HIVEP3: variants seen among roughly 807,000 people sequenced by gnomAD.
HIVEP3 encodes the protein HIVEP zinc finger 3.
A neutral mutation model predicts 152.8 loss-of-function variants in HIVEP3; 49 were observed. The observed-to-expected ratio is 0.32, with a 90% CI of 0.26 to 0.41. The LOEUF is 0.41. Ranked by LOEUF, HIVEP3 falls within the 10% of genes least tolerant of loss-of-function variation. HIVEP3 has a pLI of 1.00. For synonymous variants in HIVEP3, 1,269 were observed against 1,289.0 expected, an observed-to-expected ratio of 0.98 and a Z score of 0.33; for missense variants, 2,790 against 3,103.3, an observed-to-expected ratio of 0.90 and a Z score of 2.40.
intron 1 of HIVEP3, among the ~76,000 whole-genome samples, chr1:41,864,156 TG>T (rs1374152939): frequency 6.6e-6 from 1 of 152,182 alleles, no homozygotes; most frequent in African/African-American, 2.4e-5. Flanking sequence ...GGCTCAGGAT[TG>T]GGACAGGCCT....
chr1:41,766,594 C>G (rs529989922), intron 1 of HIVEP3, among the ~76,000 whole-genome samples: 2 of 152,346 alleles, frequency 1.3e-5, no homozygotes, highest in East Asian at 3.9e-4. Context: ...GGTGAACTCA[C>G]TTGCACAATG....
rs1419163491 is a variant in HIVEP3 at position 41,585,003 on chromosome 1, T to G, written c.-206A>C. 4 of 421,892 alleles carry G rather than the reference T, an allele frequency of 9.5e-6. No homozygotes were observed. The highest frequency in any genetic ancestry group is 1.7e-5 in the Non-Finnish European group (4 of 241,762). 26.1% of individuals were successfully genotyped at this position (421,892 alleles called of 1,614,324 possible). A position where few individuals can be genotyped will look rare whatever the true frequency, so the allele number is the denominator to read the frequency against. On this transcript the variant is annotated 5_prime_UTR_variant, in exon 4 of 9. Transcript: ENST00000372583. ...AGCAGGTCATCAGGGCCCACGCTAT[T>G]CTATTGGTGAGGCATGGCCCTCTAC...
At chr1:41,798,917 G>A (rs1650144739) in intron 1 of HIVEP3, among the ~76,000 whole-genome samples, 1 of 152,142 alleles carries the variant, frequency 6.6e-6, no homozygotes, top group Non-Finnish European at 1.5e-5. Flanking sequence ...GTTGGGTTAT[G>A]TCTGCCCCAA....
intron 3 of HIVEP3, among the ~76,000 whole-genome samples, chr1:41,598,036 G>T (rs1644691803): frequency 1.3e-5 from 2 of 152,216 alleles, no homozygotes; most frequent in Admixed American, 1.3e-4. Flanking sequence ...ACACCCATGA[G>T]AACTCAGTGG....
chr1:41,986,243 A>C (rs1360605730), intron 1 of HIVEP3, among the ~76,000 whole-genome samples: 11 of 152,234 alleles, frequency 7.2e-5, no homozygotes, highest in African/African-American at 2.7e-4. Flanking sequence ...CAGAAGTGGA[A>C]GGAAATTTTG....
intron 1 of HIVEP3, among the ~76,000 whole-genome samples, chr1:41,999,243 T>C (rs1645413433): frequency 6.6e-6 from 1 of 152,040 alleles, no homozygotes; most frequent in Non-Finnish European, 1.5e-5. Context: ...GTACAGAAAG[T>C]GTAGAAAATA....
intron 1 of HIVEP3, among the ~76,000 whole-genome samples, chr1:41,729,553 T>C (rs1435911459): frequency 6.6e-6 from 1 of 152,204 alleles, no homozygotes; most frequent in Non-Finnish European, 1.5e-5. Context: ...CCCCGTTGAC[T>C]TTAAAGCTGG....
At chr1:41,521,469 TG>T (rs1336370461) in intron 6 of HIVEP3, among the ~76,000 whole-genome samples, 2 of 152,180 alleles carry the variant, frequency 1.3e-5, no homozygotes, top group African/African-American at 4.8e-5. Flanking sequence ...GGACACTGGA[TG>T]GGCAGCCCTG....
At chr1:41,818,117 C>T (rs2124337872) in intron 1 of HIVEP3, among the ~76,000 whole-genome samples, 1 of 152,156 alleles carries the variant, frequency 6.6e-6, no homozygotes. Context: ...CTCCAGAAAG[C>T]CAATCAGAAA....
At chr1:41,592,852 C>T (rs1241776726) in intron 3 of HIVEP3, among the ~76,000 whole-genome samples, 1 of 152,218 alleles carries the variant, frequency 6.6e-6, no homozygotes, top group Non-Finnish European at 1.5e-5. Context: ...GAGAAAACTA[C>T]CCCTGCCCAG....
At chr1:41,974,654 C>T (rs914336075) in intron 1 of HIVEP3, among the ~76,000 whole-genome samples, 2 of 152,050 alleles carry the variant, frequency 1.3e-5, no homozygotes, top group African/African-American at 4.8e-5. Flanking sequence ...TTCACATGAC[C>T]AGATCTCAGC....
intron 5 of HIVEP3, among the ~76,000 whole-genome samples, chr1:41,572,842 T>C (rs1203473943): frequency 5.9e-5 from 9 of 152,256 alleles, no homozygotes; most frequent in African/African-American, 1.2e-4. Flanking sequence ...AAAAACACTG[T>C]TGAGTAAACA....
intron 1 of HIVEP3, among the ~76,000 whole-genome samples, chr1:41,784,002 G>C (rs942793543): frequency 1.6e-4 from 25 of 152,224 alleles, no homozygotes; most frequent in African/African-American, 5.5e-4. Flanking sequence ...CGCTTTAAAA[G>C]TAAAAAGCTG....
chr1:41,935,954 G>C (rs894456152), intron 1 of HIVEP3, among the ~76,000 whole-genome samples: 4 of 151,856 alleles, frequency 2.6e-5, no homozygotes, highest in Non-Finnish European at 5.9e-5. Context: ...TCAGTTAGGG[G>C]AGTCGAGCTA....
At chr1:41,883,461 T>C (rs922746537) in intron 1 of HIVEP3, among the ~76,000 whole-genome samples, 1 of 152,170 alleles carries the variant, frequency 6.6e-6, no homozygotes, top group Non-Finnish European at 1.5e-5. Context: ...CCTCCTGCTA[T>C]GGACCACAGG....
rs1340336665 is a variant in HIVEP3 at position 41,575,590 on chromosome 1, C to A, written c.5161G>T (p.Ala1721Ser). The A allele has an allele frequency of 1.2e-6, 2 of 1,613,990 alleles. No homozygotes were observed. The highest frequency in any genetic ancestry group is 1.1e-5 in the South Asian group (1 of 91,068). ...CTCGCCGGCTCCCCTCTCTGGGAGG[C>A]AGGAGCATCCTCCTCCGGCTCCCCT... The part of the protein sequence containing the change: ...RRGEPEEDAP[A>S]SQRGEPARIK... Residue 1721 changes from alanine (A) to serine (S), a missense_variant, in exon 5 of 9, where the codon GCC (alanine) becomes TCC (serine). By Grantham distance (99) the Ala-to-Ser change is moderately conservative. Around this residue, in one of 9 missense-constraint regions of HIVEP3, gnomAD observed 1,078 missense variants for 1,165.3 expected, o/e 0.93. Coordinates refer to ENST00000372583, the MANE Select transcript of HIVEP3 (RefSeq NM_024503.5).
intron 6 of HIVEP3, among the ~76,000 whole-genome samples, chr1:41,522,875 C>T (rs941746023): frequency 2.0e-5 from 3 of 152,190 alleles, no homozygotes; most frequent in Non-Finnish European, 2.9e-5. Context: ...TCTGCATGGC[C>T]CTGGGCTGGC....
intron 1 of HIVEP3, among the ~76,000 whole-genome samples, chr1:41,906,453 T>C (rs1323374990): frequency 1.3e-5 from 2 of 152,188 alleles, no homozygotes; most frequent in Non-Finnish European, 2.9e-5. Flanking sequence ...GGTGCATATT[T>C]TATGATTTTA....
chr1:41,624,577 A>G (rs1167396187), intron 3 of HIVEP3, among the ~76,000 whole-genome samples: 1 of 152,212 alleles, frequency 6.6e-6, no homozygotes, highest in Non-Finnish European at 1.5e-5. Context: ...TCAGGACTCT[A>G]TATGCGTACA....
Sources: gnomAD v4.1 joint callset for allele counts (sites outside exome capture counted in the v4.1 genomes callset) on GRCh38, gnomAD v4.1.1 for gene constraint, gnomAD v4.1.1 regional missense constraint, MANE v1.5 for transcripts, NCBI Gene and HGNC (gene_info 2026-07-23, HGNC 2026-07-21) for gene names.